The following NETO1 variants were observed in gnomAD, a reference collection of about 807,000 sequenced individuals.
The protein encoded by NETO1 is neuropilin and tolloid-like protein 1.
In NETO1, 26 loss-of-function variants were observed where a neutral mutation model predicts 61.3. The ratio of observed to expected loss-of-function variants is 0.42; its 90% CI spans 0.31 to 0.59. NETO1 has a LOEUF of 0.59. Ranked by LOEUF, NETO1 falls within the 20% of genes least tolerant of loss-of-function variation. The pLI, the probability that NETO1 is intolerant of heterozygous loss-of-function variation, is 0.12. For synonymous variants in NETO1, 225 were observed against 225.8 expected (o/e 1.00, Z 0.03); for missense variants, 531 against 662.8 (o/e 0.80, Z 2.18).
intron 6 of NETO1, among the ~76,000 whole-genome samples, chr18:72,785,642 A>C (rs2071888943): frequency 6.6e-6 from 1 of 152,184 alleles, no homozygotes; most frequent in South Asian, 2.1e-4. Flanking sequence ...GCACCCATTA[A>C]CTCGTCATTT....
intron 4 of NETO1, among the ~76,000 whole-genome samples, chr18:72,822,307 G>A: frequency 6.6e-6 from 1 of 152,292 alleles, no homozygotes; most frequent in South Asian, 2.1e-4. Context: ...AGGTGGACTG[G>A]GTGAGAAGCC....
At chr18:72,856,203 AG>A (rs202160800) in intron 4 of NETO1, among the ~76,000 whole-genome samples, 5,075 of 152,300 alleles carry the variant, frequency 0.033, 267 homozygotes, top group African/African-American at 0.12. Flanking sequence ...TTAAAATAAT[AG>A]GGACCACCAG....
chr18:72,758,416 AG>A (rs2070859449), intron 7 of NETO1, among the ~76,000 whole-genome samples: 1 of 85,212 alleles, frequency 1.2e-5, no homozygotes, highest in Non-Finnish European at 2.8e-5. Flanking sequence ...TGTGTGGAGG[AG>A]GGGGGTGGGG....
chr18:72,768,268 T>C (rs774731463), intron 7 of NETO1, among the ~76,000 whole-genome samples: 42 of 152,082 alleles, frequency 2.8e-4, no homozygotes, highest in Non-Finnish European at 5.4e-4. Flanking sequence ...TAATAAAATA[T>C]TTAAATTAAA....
chr18:72,859,052 T>C lies in NETO1; in HGVS notation c.243A>G (p.Glu81=), dbSNP rs754731353. Residue 81 remains glutamate (E), a synonymous_variant, in exon 4 of 11, where the codon GAA becomes GAG. Transcript: ENST00000327305. ...IIEAAPRQCI[E]LYFDEKYSIE... ...TAGAGTACTTTTCATCAAAGTAAAG[T>C]TCAATGCACTGTCTTGGAGCGGCTG... 1.2e-6 allele frequency: 2 copies of C among 1,613,208 alleles called. No individual in the cohort carries two copies. The highest frequency in any genetic ancestry group is 1.7e-5 in the Admixed American group (1 of 59,918).
chr18:72,804,223 T>C (rs1439998431), intron 4 of NETO1, among the ~76,000 whole-genome samples: 1 of 152,150 alleles, frequency 6.6e-6, no homozygotes, highest in East Asian at 1.9e-4. Flanking sequence ...CAATAGTTCT[T>C]AGGAGAGGAA....
chr18:72,832,524 G>A (rs994821008), intron 4 of NETO1, among the ~76,000 whole-genome samples: 4 of 152,116 alleles, frequency 2.6e-5, no homozygotes, highest in South Asian at 2.1e-4. Flanking sequence ...GTCCTCTTTA[G>A]ATTTTATTAA....
At chr18:72,831,984 G>C (rs68152727) in intron 4 of NETO1, among the ~76,000 whole-genome samples, 6,278 of 152,170 alleles carry the variant, frequency 0.041, 337 homozygotes, top group African/African-American at 0.12. Context: ...TGAGTTAAAG[G>C]CCCTTACTTC....
At chr18:72,822,445 C>T (rs2073229519) in intron 4 of NETO1, among the ~76,000 whole-genome samples, 1 of 152,170 alleles carries the variant, frequency 6.6e-6, no homozygotes, top group Non-Finnish European at 1.5e-5. Flanking sequence ...ACCGTCCCGT[C>T]CCCCCGCAGG....
intron 7 of NETO1, among the ~76,000 whole-genome samples, chr18:72,765,407 C>G (rs1250630939): frequency 6.6e-6 from 1 of 151,796 alleles, no homozygotes; most frequent in East Asian, 1.9e-4. Context: ...GACTATATAT[C>G]ACAATAAAAA....
intron 7 of NETO1, among the ~76,000 whole-genome samples, chr18:72,771,361 T>C (rs2071346174): frequency 6.6e-6 from 1 of 152,064 alleles, no homozygotes; most frequent in Non-Finnish European, 1.5e-5. Flanking sequence ...CCGTGGGTAA[T>C]TTACTAAAAT....
intron 6 of NETO1, among the ~76,000 whole-genome samples, chr18:72,786,621 T>C (rs1347332837): frequency 6.6e-6 from 1 of 152,164 alleles, no homozygotes; most frequent in Admixed American, 6.5e-5. Flanking sequence ...GGTTATTCCT[T>C]TGTTTTATTT....
At chr18:72,758,037 T>C (rs1056084208) in intron 7 of NETO1, among the ~76,000 whole-genome samples, 7 of 143,274 alleles carry the variant, frequency 4.9e-5, no homozygotes, top group African/African-American at 7.9e-5. Context: ...AAAATTATTA[T>C]AATTATTAAA....
rs2071823534 is a variant in NETO1 at position 72,783,826 on chromosome 18, G to A, written c.720C>T (p.Ser240=). ...TAGCTTTCAAATCCTCCACGGAACT[G>A]CTTCCATCATACACAGCCACAAAAT... The part of the protein sequence containing the change: ...KRNFVAVYDG[S]SSVEDLKAKF... The change falls in exon 7 of 11, where the codon AGC becomes AGT. Residue 240 remains serine, a synonymous_variant. Transcript: ENST00000327305. 1 of 1,613,960 alleles carries A rather than the reference G, an allele frequency of 6.2e-7. No individual in the cohort carries two copies. Among genetic ancestry groups the A allele is most frequent in the African/African-American group, 1.3e-5 (1 of 74,884 alleles).
intron 7 of NETO1, among the ~76,000 whole-genome samples, chr18:72,761,754 G>GA (rs2070980283): frequency 6.6e-6 from 1 of 152,052 alleles, no homozygotes; most frequent in Admixed American, 6.6e-5. Context: ...TGTTATCTAT[G>GA]GGTACCTTAA....
intron 4 of NETO1, among the ~76,000 whole-genome samples, chr18:72,801,457 C>A (rs922043431): frequency 3.3e-5 from 5 of 152,108 alleles, no homozygotes; most frequent in African/African-American, 7.2e-5. Flanking sequence ...TATTACATGA[C>A]AATGGCACAC....
intron 4 of NETO1, among the ~76,000 whole-genome samples, chr18:72,826,223 A>G (rs1220181131): frequency 6.6e-6 from 1 of 152,082 alleles, no homozygotes; most frequent in Non-Finnish European, 1.5e-5. Context: ...ACATTTTCTT[A>G]TCACCATTAC....
intron 8 of NETO1, among the ~76,000 whole-genome samples, chr18:72,755,733 G>C (rs1201100618): frequency 6.6e-6 from 1 of 152,038 alleles, no homozygotes; most frequent in Non-Finnish European, 1.5e-5. Flanking sequence ...CACATGACAG[G>C]AAAGTAGTGT....
intron 7 of NETO1, among the ~76,000 whole-genome samples, chr18:72,758,802 C>T (rs889358424): frequency 3.9e-5 from 6 of 152,104 alleles, no homozygotes; most frequent in Admixed American, 6.6e-5. Flanking sequence ...CGCCACTGTA[C>T]TCCAGCCTGG....
Sources: gnomAD v4.1 joint callset for allele counts (sites outside exome capture counted in the v4.1 genomes callset) on GRCh38, gnomAD v4.1.1 for gene constraint, MANE v1.5 for transcripts, NCBI Gene and HGNC (gene_info 2026-07-23, HGNC 2026-07-21) for gene names.